The following TANC1 variants were observed in gnomAD, a reference collection of about 807,000 sequenced individuals.
TANC1 encodes the protein tetratricopeptide repeat, ankyrin repeat and coiled-coil containing 1, also known as protein TANC1.
A neutral mutation model predicts 149.7 loss-of-function variants in TANC1; 77 were observed. That is an observed-to-expected ratio of 0.51 (90% confidence interval 0.43 to 0.62). The LOEUF is 0.62. TANC1 is among the 20% of genes least tolerant of loss of function. The probability of loss-of-function intolerance (pLI) is 0.00; values close to 1 mark genes in which losing one functional copy is unlikely to be tolerated. For missense variants in TANC1, 1,985 were observed against 2,321.8 expected, an observed-to-expected ratio of 0.85 and a Z score of 2.98; for synonymous variants, 854 against 925.0, an observed-to-expected ratio of 0.92 and a Z score of 1.39.
chr2:159,125,247 C>T (rs931710387), intron 4 of TANC1, among the ~76,000 whole-genome samples: 2 of 152,174 alleles, frequency 1.3e-5, no homozygotes, highest in African/African-American at 4.8e-5. Flanking sequence ...CCAGCTTTGT[C>T]CTTTTCAGGA....
intron 2 of TANC1, among the ~76,000 whole-genome samples, chr2:159,006,347 A>G (rs1452823948): frequency 6.6e-6 from 1 of 151,710 alleles, no homozygotes; most frequent in Non-Finnish European, 1.5e-5. Context: ...ACACTACATT[A>G]ATACAAAATA....
rs750302949 is a variant in TANC1, at chr2:159,163,562, T to G, written c.946+16T>G. The G allele has an allele frequency of 1.2e-6, 2 of 1,604,070 alleles. No individual in the cohort carries two copies. Among genetic ancestry groups the G allele is most frequent in the East Asian group, 4.5e-5 (2 of 44,690 alleles). The stretch of plus-strand genomic sequence containing the variant: ...TCAGTTGCAGGTAAGGCCACACCTT[T>G]CCCTGGAAGGATTATCTCAGGGATA... On this transcript the variant is annotated intron_variant, in intron 8 of 26. Transcript: ENST00000263635.
At chr2:159,081,801 GT>G (rs1279563265) in intron 3 of TANC1, among the ~76,000 whole-genome samples, 3 of 152,278 alleles carry the variant, frequency 2.0e-5, no homozygotes, top group South Asian at 4.2e-4. Flanking sequence ...TCACGGTACT[GT>G]CCCCTTCCCC....
At chr2:159,044,486 G>T (rs186899054) in intron 2 of TANC1, among the ~76,000 whole-genome samples, 1 of 151,958 alleles carries the variant, frequency 6.6e-6, no homozygotes, top group African/African-American at 2.4e-5. Context: ...TAATGTATAT[G>T]ATCTATGTTC....
intron 14 of TANC1, among the ~76,000 whole-genome samples, chr2:159,182,530 C>T (rs1423399393): frequency 6.6e-6 from 1 of 152,150 alleles, no homozygotes; most frequent in Non-Finnish European, 1.5e-5. Context: ...TATAGTTTCT[C>T]TCCTCATCTT....
chr2:159,028,208 T>G (rs1458900693), intron 2 of TANC1, among the ~76,000 whole-genome samples: 2 of 152,108 alleles, frequency 1.3e-5, no homozygotes, highest in African/African-American at 4.8e-5. Context: ...GCAACCTCTA[T>G]CTCCTAGATT....
intron 2 of TANC1, among the ~76,000 whole-genome samples, chr2:159,043,936 G>A (rs748990190): frequency 6.6e-6 from 1 of 152,102 alleles, no homozygotes; most frequent in Non-Finnish European, 1.5e-5. Context: ...GCTTTTTGGG[G>A]TCATGTCAGT....
intron 2 of TANC1, among the ~76,000 whole-genome samples, chr2:159,032,714 T>G (rs112117832): frequency 1.3e-5 from 2 of 152,168 alleles, no homozygotes; most frequent in Admixed American, 6.5e-5. Flanking sequence ...CTGTTAGAAT[T>G]GAATCTGAAA....
chr2:159,188,516 G>A (rs969777971), intron 16 of TANC1, among the ~76,000 whole-genome samples: 5 of 152,374 alleles, frequency 3.3e-5, no homozygotes, highest in African/African-American at 7.2e-5. Context: ...GTGGCCAGCC[G>A]CAAGCTGTGG....
At chr2:159,144,676 T>C (rs966590786) in intron 5 of TANC1, among the ~76,000 whole-genome samples, 5 of 152,156 alleles carry the variant, frequency 3.3e-5, no homozygotes, top group African/African-American at 9.7e-5. Context: ...GGATTACAGG[T>C]GTAAGCCACC....
At chr2:159,084,621 T>C (rs2149810549) in intron 3 of TANC1, among the ~76,000 whole-genome samples, 1 of 152,236 alleles carries the variant, frequency 6.6e-6, no homozygotes, top group African/African-American at 2.4e-5. Flanking sequence ...AGTGAGGGGG[T>C]GGTGTACTGC....
intron 10 of TANC1, among the ~76,000 whole-genome samples, chr2:159,171,871 A>AAAAAAAAAAAAAAAAAAG (rs70994272): frequency 9.5e-5 from 10 of 105,598 alleles, no homozygotes; most frequent in South Asian, 2.8e-4. Context: ...AAAAAAAAAA[A>AAAAAAAAAAAAAAAAAAG]AAAAGAAAAA....
intron 18 of TANC1, among the ~76,000 whole-genome samples, chr2:159,197,445 G>T (rs1226610361): frequency 6.6e-6 from 1 of 152,136 alleles, no homozygotes; most frequent in East Asian, 1.9e-4. Context: ...TTATCTTCAA[G>T]CAATTAGAGG....
chr2:158,983,854 G>A (rs1427878452), intron 1 of TANC1, among the ~76,000 whole-genome samples: 1 of 152,206 alleles, frequency 6.6e-6, no homozygotes, highest in African/African-American at 2.4e-5. Context: ...AAAGATGCAC[G>A]CGAAGGTGGA....
intron 1 of TANC1, among the ~76,000 whole-genome samples, chr2:158,983,887 A>G (rs1426231194): frequency 6.6e-6 from 1 of 152,224 alleles, no homozygotes; most frequent in Non-Finnish European, 1.5e-5. Context: ...TAAGTTTTGA[A>G]CAGAAGTGGA....
Position 158,983,335 on chromosome 2 carries a change from C to T in TANC1, c.-126+14553C>T, listed in dbSNP as rs2034596171. Among the ~76,000 whole-genome samples, 2 of 151,650 alleles carry T rather than the reference C, an allele frequency of 1.3e-5. 1 individual carries two copies. Reference sequence around the variant, plus strand: ...ACAAAAAATTAGCCGGGCGTGGTGGCGGGTGCCTGTAGTCCCAGCTACTCG... The same window carrying T: ...ACAAAAAATTAGCCGGGCGTGGTGGTGGGTGCCTGTAGTCCCAGCTACTCG... On this transcript the variant is annotated intron_variant, in intron 1 of 26. Transcript: ENST00000263635.
rs933263958 is a variant in TANC1 at position 159,232,564 on chromosome 2, TTTTC to T, written c.*1556_*1559del. ...TGCTGTAACTACTATGGCTTATTTA[TTTTC>T]TTTAATATTTGTGAAAGTCTTACTC... On this transcript the variant is annotated 3_prime_UTR_variant, in exon 27 of 27. Coordinates refer to ENST00000263635, the MANE Select transcript of TANC1 (RefSeq NM_033394.3). 3.9e-5 allele frequency: 6 copies of T among 152,642 alleles called. No homozygotes were observed. The highest frequency in any genetic ancestry group is 5.9e-5 in the Non-Finnish European group (4 of 68,022). 9.5% of individuals were successfully genotyped at this position (152,642 alleles called of 1,614,324 possible).
chr2:159,092,026 G>A (rs1222130486), intron 3 of TANC1, among the ~76,000 whole-genome samples: 1 of 151,872 alleles, frequency 6.6e-6, no homozygotes, highest in African/African-American at 2.4e-5. Flanking sequence ...AGAAACATTA[G>A]TGCACTGTAA....
intron 2 of TANC1, among the ~76,000 whole-genome samples, chr2:159,055,262 A>G (rs1027992901): frequency 6.6e-6 from 1 of 152,272 alleles, no homozygotes; most frequent in South Asian, 2.1e-4. Context: ...GACCACGATC[A>G]GACTGTGGTT....
Sources: allele counts gnomAD v4.1 joint callset (sites outside exome capture counted in the v4.1 genomes callset), GRCh38; gene constraint gnomAD v4.1.1; transcripts MANE v1.5; gene names NCBI Gene and HGNC (gene_info 2026-07-23, HGNC 2026-07-21).